The following NRXN3 variants were observed in gnomAD, a reference collection of about 807,000 sequenced individuals.
NRXN3 encodes neurexin 3.
A neutral mutation model predicts 137.6 loss-of-function variants in NRXN3; 32 were observed. That is an observed-to-expected ratio of 0.23 (90% CI 0.18 to 0.31). NRXN3 has a LOEUF of 0.31. Ranked by LOEUF, NRXN3 falls within the 10% of genes least tolerant of loss-of-function variation. The pLI is 1.00. For synonymous variants in NRXN3, 798 were observed against 784.5 expected (o/e 1.02, Z -0.29); for missense variants, 1,574 against 2,062.5 (o/e 0.76, Z 4.59).
In NRXN3 at chr14:79,647,951, G is replaced by A. The variant is rs565509470; in HGVS notation, c.3445-15827G>A. Among the ~76,000 whole-genome samples, 8 of 134,732 alleles carry A rather than the reference G, an allele frequency of 5.9e-5. No individual in the cohort carries two copies. In the East Asian group the frequency reaches 1.6e-3, roughly 27 times the overall value. The allele number at this position is 134,732 out of a possible 152,430, so 88.4% of individuals were successfully genotyped here. On this transcript the variant is annotated intron_variant, in intron 16 of 20. Coordinates refer to ENST00000335750, the MANE Select transcript of NRXN3 (RefSeq NM_001330195.2). ...GGAAGTGATGAAGTTAAGCTTTAAG[G>A]CCAGGCCTGTCTACTCAAAAGCCTG...
At chr14:78,348,371 G>A (rs1341321648) in intron 4 of NRXN3, among the ~76,000 whole-genome samples, 1 of 152,188 alleles carries the variant, frequency 6.6e-6, no homozygotes, top group East Asian at 1.9e-4. Context: ...CACTGAATAA[G>A]TCTGTACTTT....
chr14:78,719,184 A>G (rs1039885657), intron 8 of NRXN3, among the ~76,000 whole-genome samples: 4 of 152,238 alleles, frequency 2.6e-5, no homozygotes, highest in Non-Finnish European at 4.4e-5. Flanking sequence ...ATATCCTGGC[A>G]TTCATTTGGC....
chr14:78,576,940 C>T (rs1248501451), intron 4 of NRXN3, among the ~76,000 whole-genome samples: 1 of 152,166 alleles, frequency 6.6e-6, no homozygotes, highest in Non-Finnish European at 1.5e-5. Context: ...TTTAGTCTTG[C>T]TGATTCTGGG....
intron 4 of NRXN3, among the ~76,000 whole-genome samples, chr14:78,583,445 C>A (rs1248792586): frequency 1.3e-5 from 2 of 150,500 alleles, no homozygotes; most frequent in Admixed American, 6.6e-5. Flanking sequence ...AAACAAACCC[C>A]AAAAAGTATT....
At chr14:79,268,768 C>A (rs866419936) in intron 15 of NRXN3, among the ~76,000 whole-genome samples, 3 of 152,280 alleles carry the variant, frequency 2.0e-5, no homozygotes, top group South Asian at 4.2e-4. Flanking sequence ...AGACAAGTTA[C>A]AATCTATGCC....
At chr14:78,672,688 T>C (rs115290973) in intron 6 of NRXN3, among the ~76,000 whole-genome samples, 1,673 of 152,280 alleles carry the variant, frequency 0.011, 29 homozygotes, top group African/African-American at 0.037. Flanking sequence ...TACCGATATA[T>C]AAAAACATGC....
chr14:78,516,573 G>T (rs1380296838), intron 4 of NRXN3, among the ~76,000 whole-genome samples: 1 of 151,576 alleles, frequency 6.6e-6, no homozygotes, highest in Non-Finnish European at 1.5e-5. Flanking sequence ...TTCTGCTTGG[G>T]TGTTGGTGGA....
chr14:79,455,079 C>T (rs2096240544), intron 15 of NRXN3, among the ~76,000 whole-genome samples: 1 of 152,118 alleles, frequency 6.6e-6, no homozygotes, highest in African/African-American at 2.4e-5. Flanking sequence ...CTGTTTGGGC[C>T]ACTATAACAA....
chr14:79,524,919 G>A (rs1245417322), intron 16 of NRXN3, among the ~76,000 whole-genome samples: 1 of 152,134 alleles, frequency 6.6e-6, no homozygotes, highest in African/African-American at 2.4e-5. Context: ...GCGAGGCCTG[G>A]CCGTGTAGAC....
chr14:78,778,751 CTTCT>C (rs1239057514), intron 8 of NRXN3, among the ~76,000 whole-genome samples: 4 of 68,878 alleles, frequency 5.8e-5, no homozygotes, highest in Non-Finnish European at 1.2e-4. Flanking sequence ...TCTTTCTTTC[CTTCT>C]TTCTCTTTCT....
chr14:79,551,771 G>A (rs773640175), intron 16 of NRXN3, among the ~76,000 whole-genome samples: 4 of 152,190 alleles, frequency 2.6e-5, no homozygotes, highest in African/African-American at 4.8e-5. Context: ...GAGCAGGTAA[G>A]TTGTTTTGCT....
chr14:78,633,307 T>A (rs1026232251), intron 4 of NRXN3, among the ~76,000 whole-genome samples: 1 of 145,886 alleles, frequency 6.9e-6, no homozygotes, highest in African/African-American at 2.6e-5. Flanking sequence ...ATGACAAAAA[T>A]GAAATAAATA....
intron 10 of NRXN3, among the ~76,000 whole-genome samples, chr14:78,894,657 T>A (rs894913220): frequency 1.3e-5 from 2 of 151,910 alleles, no homozygotes. Context: ...TTTCAAAAAA[T>A]TTTCCATTTG....
At chr14:79,468,015 T>A (rs891695498) in intron 16 of NRXN3, among the ~76,000 whole-genome samples, 1 of 152,294 alleles carries the variant, frequency 6.6e-6, no homozygotes, top group South Asian at 2.1e-4. Flanking sequence ...AGAGATGTAA[T>A]AAATGTGTGA....
chr14:78,736,645 A>G (rs1329196150), intron 8 of NRXN3, among the ~76,000 whole-genome samples: 1 of 152,188 alleles, frequency 6.6e-6, no homozygotes, highest in African/African-American at 2.4e-5. Flanking sequence ...ACAATCATTT[A>G]TTTACACTTT....
chr14:78,176,319 A>G (rs1380962455), intron 1 of NRXN3, among the ~76,000 whole-genome samples: 1 of 151,878 alleles, frequency 6.6e-6, no homozygotes, highest in African/African-American at 2.4e-5. Context: ...AGTGGTAGTA[A>G]TAGTCGTGAT....
chr14:79,253,994 A>G (rs2076267253), intron 15 of NRXN3, among the ~76,000 whole-genome samples: 1 of 152,236 alleles, frequency 6.6e-6, no homozygotes, highest in Admixed American at 6.5e-5. Flanking sequence ...TTTGATCAGC[A>G]TGAGAGCATC....
intron 10 of NRXN3, among the ~76,000 whole-genome samples, chr14:78,857,762 G>C (rs890890329): frequency 2.0e-5 from 3 of 152,038 alleles, no homozygotes; most frequent in African/African-American, 7.2e-5. Context: ...GGAAAATCTG[G>C]GTGTGTATGG....
intron 4 of NRXN3, among the ~76,000 whole-genome samples, chr14:78,454,657 C>G (rs2094639451): frequency 6.6e-6 from 1 of 152,130 alleles, no homozygotes; most frequent in Non-Finnish European, 1.5e-5. Context: ...GAGTCAGGAT[C>G]TATGATGAGA....
Sources: allele counts gnomAD v4.1 joint callset (sites outside exome capture counted in the v4.1 genomes callset), GRCh38; gene constraint gnomAD v4.1.1; transcripts MANE v1.5; gene names NCBI Gene and HGNC (gene_info 2026-07-23, HGNC 2026-07-21).